The following CAB39 variants were observed in gnomAD, a reference collection of about 807,000 sequenced individuals.
CAB39 encodes the protein calcium binding protein 39.
CAB39 carries 8 observed loss-of-function variants against 40.0 expected under a neutral mutation model. The ratio of observed to expected loss-of-function variants is 0.20; its 90% CI spans 0.12 to 0.36. The LOEUF is 0.36. Among genes scored for constraint, CAB39 ranks in the 10% least tolerant of loss-of-function variants. The probability of loss-of-function intolerance (pLI) is 1.00; values close to 1 mark genes in which losing one functional copy is unlikely to be tolerated. For synonymous variants in CAB39, 156 were observed against 141.6 expected (o/e 1.10, Z -0.72); for missense variants, 270 against 401.1 (o/e 0.67, Z 2.79).
At chr2:230,769,873 G>A (rs1457580677) in intron 2 of CAB39, among the ~76,000 whole-genome samples, 1 of 151,226 alleles carries the variant, frequency 6.6e-6, no homozygotes, top group Admixed American at 6.6e-5. Flanking sequence ...TGGGAGGATC[G>A]CTTGAGCCCA....
intron 4 of CAB39, among the ~76,000 whole-genome samples, chr2:230,797,995 A>T (rs1696019598): frequency 6.6e-6 from 1 of 152,202 alleles, no homozygotes; most frequent in Non-Finnish European, 1.5e-5. Context: ...GGAAGAGTCC[A>T]GTCAGAGGGC....
intron 1 of CAB39, among the ~76,000 whole-genome samples, chr2:230,729,887 T>A (rs911452381): frequency 5.9e-5 from 9 of 152,174 alleles, no homozygotes; most frequent in African/African-American, 2.2e-4. Context: ...TGAGGAAATC[T>A]ATAAATATTT....
At chr2:230,806,921 A>G (rs1559617563) in intron 5 of CAB39, among the ~76,000 whole-genome samples, 2 of 152,216 alleles carry the variant, frequency 1.3e-5, no homozygotes, top group Non-Finnish European at 2.9e-5. Context: ...TGTCTTAGTC[A>G]CATGATGTTT....
At chr2:230,744,589 G>A (rs1050678804) in intron 1 of CAB39, among the ~76,000 whole-genome samples, 3 of 152,240 alleles carry the variant, frequency 2.0e-5, no homozygotes, top group African/African-American at 7.2e-5. Flanking sequence ...ACCACGCCTG[G>A]CCTCCAACCA....
At chr2:230,770,241 C>G (rs1235268918) in intron 2 of CAB39, among the ~76,000 whole-genome samples, 3 of 151,704 alleles carry the variant, frequency 2.0e-5, no homozygotes, top group Non-Finnish European at 4.4e-5. Flanking sequence ...TAAGACTGAC[C>G]AGGAGGAAGA....
At chr2:230,752,972 G>A (rs1322602153) in intron 1 of CAB39, among the ~76,000 whole-genome samples, 2 of 152,112 alleles carry the variant, frequency 1.3e-5, no homozygotes, top group Non-Finnish European at 2.9e-5. Context: ...GCCATTGGTC[G>A]GGCTAGAAAT....
intron 2 of CAB39, among the ~76,000 whole-genome samples, chr2:230,790,070 A>G (rs1279978986): frequency 6.6e-6 from 1 of 152,082 alleles, no homozygotes; most frequent in African/African-American, 2.4e-5. Context: ...CTAAAAATAC[A>G]AAAATCGGCC....
intron 1 of CAB39, among the ~76,000 whole-genome samples, chr2:230,715,056 T>G (rs1278499316): frequency 6.6e-6 from 1 of 152,228 alleles, no homozygotes; most frequent in East Asian, 1.9e-4. Context: ...TGCTAACATT[T>G]TTGCGTATTT....
At chr2:230,798,674 A>T in intron 4 of CAB39, 55 bp from the exon 5 acceptor site, 1 of 1,477,266 alleles carries the variant, frequency 6.8e-7, no homozygotes, top group Non-Finnish European at 9.2e-7. Context: ...TCAGTGTTGG[A>T]GTTTTGAAAA....
intron 2 of CAB39, among the ~76,000 whole-genome samples, chr2:230,782,859 C>G (rs527420771): frequency 7.4e-6 from 1 of 134,852 alleles, no homozygotes; most frequent in East Asian, 2.1e-4. Context: ...CCCTCTCTGT[C>G]GCCCAGGCTG....
intron 8 of CAB39, 107 bp downstream of exon 8, chr2:230,818,004 A>G: frequency 2.0e-6 from 2 of 990,378 alleles, no homozygotes; most frequent in Non-Finnish European, 3.0e-6. Context: ...CAGGTGACTT[A>G]ATTAAATTCA....
Position 230,782,355 on chromosome 2 carries a change from T to C in CAB39, c.115-8517T>C, listed in dbSNP as rs535436403. 7.2e-4 allele frequency among the ~76,000 whole-genome samples: 110 copies of C among 152,196 alleles called. 1 individual carries two copies. In the South Asian group the frequency reaches 0.012, roughly 17 times the overall value. ...TATTTGGTTATTTGTTAGAAATCTT[T>C]AAAATGTGGGAGGGGGGATGTCTCG... On this transcript the variant is annotated intron_variant, in intron 2 of 8. Coordinates refer to ENST00000258418, the MANE Select transcript of CAB39 (RefSeq NM_016289.4).
chr2:230,781,700 A>G (rs546998462), intron 2 of CAB39, among the ~76,000 whole-genome samples: 13 of 152,280 alleles, frequency 8.5e-5, no homozygotes, highest in South Asian at 2.1e-4. Flanking sequence ...GAGGGGACCA[A>G]TGGGGTGGTA....
chr2:230,728,768 C>G (rs1694632568), intron 1 of CAB39, among the ~76,000 whole-genome samples: 1 of 152,138 alleles, frequency 6.6e-6, no homozygotes, highest in Non-Finnish European at 1.5e-5. Flanking sequence ...TGCCACCACA[C>G]CCAGCTATAA....
chr2:230,818,294 G>A (rs1159158983), intron 8 of CAB39: 34 of 518,048 alleles, frequency 6.6e-5, no homozygotes, highest in Non-Finnish European at 1.1e-4. Context: ...GTGTTGCAGG[G>A]CTGGCAGAAT....
At chr2:230,807,414 C>T (rs967373102) in intron 5 of CAB39, among the ~76,000 whole-genome samples, 12 of 150,634 alleles carry the variant, frequency 8.0e-5, no homozygotes, top group African/African-American at 2.7e-4. Flanking sequence ...TTTTACCCCC[C>T]CAACCCCCCA....
At chr2:230,768,451 T>G (rs769817778) in intron 2 of CAB39, among the ~76,000 whole-genome samples, 8 of 152,214 alleles carry the variant, frequency 5.3e-5, no homozygotes, top group Non-Finnish European at 1.0e-4. Flanking sequence ...CCCTATTAGA[T>G]AAATAATCAT....
intron 4 of CAB39, 79 bp from the exon 5 acceptor site, chr2:230,798,650 A>T: frequency 8.1e-7 from 1 of 1,230,406 alleles, no homozygotes; most frequent in East Asian, 2.4e-5. Flanking sequence ...CTTTGGCCTG[A>T]AAGTTTGAAC....
chr2:230,753,755 AAAAAG>A (rs1294867429), intron 1 of CAB39, among the ~76,000 whole-genome samples: 40 of 152,072 alleles, frequency 2.6e-4, no homozygotes, highest in African/African-American at 9.4e-4. Context: ...AAAAAAAAAA[AAAAAG>A]AAAAGAAAAA....
Sources: gnomAD v4.1 joint callset for allele counts (sites outside exome capture counted in the v4.1 genomes callset) on GRCh38, gnomAD v4.1.1 for gene constraint, MANE v1.5 for transcripts, NCBI Gene and HGNC (gene_info 2026-07-23, HGNC 2026-07-21) for gene names.